The following TPTE2 variants were observed in gnomAD, a reference collection of about 807,000 sequenced individuals.
TPTE2 encodes the protein transmembrane phosphoinositide 3-phosphatase and tensin homolog 2, also known as phosphatidylinositol 3,4,5-trisphosphate 3-phosphatase TPTE2.
TPTE2 carries 53 observed loss-of-function variants against 78.6 expected under a neutral mutation model. The ratio of observed to expected loss-of-function variants is 0.67; its 90% confidence interval spans 0.54 to 0.85. The LOEUF (loss-of-function observed/expected upper bound fraction) is 0.85, where lower values mean the gene tolerates loss of function less well. TPTE2 is among the 40% of genes least tolerant of loss of function. The pLI, the probability that TPTE2 is intolerant of heterozygous loss-of-function variation, is 0.00. For synonymous variants in TPTE2, 175 were observed against 206.2 expected, an observed-to-expected ratio of 0.85 and a Z score of 1.30; for missense variants, 461 against 623.0, an observed-to-expected ratio of 0.74 and a Z score of 2.77.
intron 1 of TPTE2, among the ~76,000 whole-genome samples, chr13:19,519,884 T>C (rs1479178883): frequency 1.3e-5 from 2 of 152,188 alleles, no homozygotes; most frequent in African/African-American, 2.4e-5. Context: ...GTCATCTTAA[T>C]AGTAATGTCT....
At chr13:19,531,315 C>A (rs1436988915) in intron 1 of TPTE2, among the ~76,000 whole-genome samples, 1 of 152,028 alleles carries the variant, frequency 6.6e-6, no homozygotes, top group Non-Finnish European at 1.5e-5. Flanking sequence ...CATTCTGCAG[C>A]AATTTACATC....
the TPTE2 span, among the ~76,000 whole-genome samples, chr13:19,553,845 C>T: frequency 3.9e-5 from 6 of 152,100 alleles, no homozygotes; most frequent in Non-Finnish European, 7.4e-5. Context: ...GAAAAATGTT[C>T]AAAATTATAA....
At position 19,440,702 on chromosome 13, in the gene TPTE2, G is replaced by A. The variant is rs1200299006; in HGVS notation, c.974-2549C>T. ...GGAGAATCGCTTGAACCCAGGAGTC[G>A]GAGGTTGCAGTGACTGAGATTGCAC... On this transcript the variant is annotated intron_variant, in intron 13 of 19. Coordinates refer to ENST00000400230, the Ensembl canonical transcript of TPTE2. 3.3e-5 allele frequency among the ~76,000 whole-genome samples: 5 copies of A among 152,226 alleles called. No individual in the cohort carries two copies. In the East Asian group the frequency reaches 5.8e-4, roughly 18 times the overall value.
At chr13:19,509,066 C>T (rs144133052) in intron 1 of TPTE2, among the ~76,000 whole-genome samples, 3 of 151,906 alleles carry the variant, frequency 2.0e-5, no homozygotes, top group Non-Finnish European at 2.9e-5. Context: ...AGGGAAATCA[C>T]GAAATATTTT....
chr13:19,465,546 T>A (rs758510017), exon 8 of TPTE2: 23 of 1,599,812 alleles, frequency 1.4e-5, no homozygotes, highest in Admixed American at 1.8e-5. Flanking sequence ...GTCGTAGAAG[T>A]CGAACTAAAT....
At chr13:19,463,731 G>A (rs1222298106) in intron 10 of TPTE2, among the ~76,000 whole-genome samples, 1 of 151,946 alleles carries the variant, frequency 6.6e-6, no homozygotes, top group Non-Finnish European at 1.5e-5. Flanking sequence ...TAATCTTCAG[G>A]TGACTTTTTT....
At chr13:19,449,496 G>A (rs1046809968) in intron 13 of TPTE2, among the ~76,000 whole-genome samples, 16 of 152,096 alleles carry the variant, frequency 1.1e-4, no homozygotes, top group African/African-American at 3.6e-4. Flanking sequence ...ATAAGTTCAG[G>A]AAATTTATTG....
intron 1 of TPTE2, among the ~76,000 whole-genome samples, chr13:19,494,956 G>T (rs1328914854): frequency 6.6e-6 from 1 of 152,150 alleles, no homozygotes; most frequent in Non-Finnish European, 1.5e-5. Context: ...TAGAAATGAG[G>T]TTTCCTATGC....
chr13:19,528,623 A>G (rs1870672108), intron 1 of TPTE2, among the ~76,000 whole-genome samples: 1 of 152,244 alleles, frequency 6.6e-6, no homozygotes, highest in African/African-American at 2.4e-5. Context: ...AAGTAGGTAG[A>G]GCAGGAATTC....
Position 19,424,928 on chromosome 13 carries a change from G to T in TPTE2, c.1466+19C>A. Reference sequence around the variant, plus strand: ...ATTGAAGATTAGGCTGTTTCTATGGGTTTCTATTATATTCATACCTGTTAT... The same window carrying T: ...ATTGAAGATTAGGCTGTTTCTATGGTTTTCTATTATATTCATACCTGTTAT... On this transcript the variant is annotated intron_variant, in intron 19 of 19. Transcript: ENST00000400230. The T allele has an allele frequency of 1.4e-6, 2 of 1,401,330 alleles. No homozygotes were observed. Among genetic ancestry groups the T allele is most frequent in the Non-Finnish European group, 2.0e-6 (2 of 1,017,580 alleles). The allele number at this position is 1,401,330 out of a possible 1,614,324, so 86.8% of individuals were successfully genotyped here. A position where few individuals can be genotyped will look rare whatever the true frequency, so the allele number is the denominator to read the frequency against.
At chr13:19,510,701 A>G (rs1468885112) in intron 1 of TPTE2, among the ~76,000 whole-genome samples, 2 of 152,214 alleles carry the variant, frequency 1.3e-5, no homozygotes, top group African/African-American at 2.4e-5. Flanking sequence ...AAAATTAAAC[A>G]TAATTTTAAA....
At chr13:19,426,432 A>G (rs1876078168) in exon 18 of TPTE2, 1 of 1,603,018 alleles carries the variant, frequency 6.2e-7, no homozygotes. Context: ...CACCGAAGAG[A>G]AAAACTGCAC....
At chr13:19,529,216 G>A (rs1406091588) in intron 1 of TPTE2, among the ~76,000 whole-genome samples, 3 of 152,188 alleles carry the variant, frequency 2.0e-5, no homozygotes, top group Non-Finnish European at 4.4e-5. Flanking sequence ...GTGACAATGA[G>A]TTCTAGATGA....
chr13:19,432,501 T>A (rs758111610), exon 16 of TPTE2: 9 of 1,606,210 alleles, frequency 5.6e-6, no homozygotes, highest in Non-Finnish European at 6.8e-6. Context: ...TGAATCTTTT[T>A]ATAAAGAGTA....
chr13:19,456,078 A>C (rs1878521219), intron 10 of TPTE2, among the ~76,000 whole-genome samples: 1 of 152,226 alleles, frequency 6.6e-6, no homozygotes, highest in Non-Finnish European at 1.5e-5. Context: ...AGTGGGAAGA[A>C]AGTAGTAACT....
At chr13:19,539,693 A>C (rs1374867133), upstream of TPTE2, among the ~76,000 whole-genome samples, 1 of 152,128 alleles carries the variant, frequency 6.6e-6, no homozygotes, top group Non-Finnish European at 1.5e-5. Flanking sequence ...ATCTGTGTGT[A>C]TCATGTCTAA....
chr13:19,432,475 C>G lies in TPTE2; in HGVS notation c.1220G>C (p.Arg407Pro), dbSNP rs140778301. The stretch of plus-strand genomic sequence containing the variant: ...TCAATTACACATAAAGCACTTACCA[C>G]GAATCGAATAAATAATGAATCTTTT... The change falls in exon 16 of 20, where the codon CGT (arginine) becomes CCT (proline). Residue 407 changes from arginine to proline, a missense_variant and splice_region_variant. Arg to Pro is a moderately radical substitution (Grantham distance 103). Transcript: ENST00000400230. 9.2e-5 allele frequency: 145 copies of G among 1,573,154 alleles called. No individual in the cohort carries two copies. In the South Asian group the frequency reaches 1.3e-3, roughly 14 times the overall value.
chr13:19,438,471 A>C, intron 13 of TPTE2: 1 of 980,494 alleles, frequency 1.0e-6, no homozygotes, highest in Non-Finnish European at 1.2e-6. Flanking sequence ...ATAGTAAAAA[A>C]GAAAAATTCC....
chr13:19,476,335 C>T (rs1348486228), intron 4 of TPTE2, among the ~76,000 whole-genome samples: 1 of 151,216 alleles, frequency 6.6e-6, no homozygotes, highest in Non-Finnish European at 1.5e-5. Context: ...ACTGAAGCCT[C>T]CTGTGTTGGA....
Sources: gnomAD v4.1 joint callset for allele counts (sites outside exome capture counted in the v4.1 genomes callset) on GRCh38, gnomAD v4.1.1 for gene constraint, MANE v1.5 for transcripts, NCBI Gene and HGNC (gene_info 2026-07-23, HGNC 2026-07-21) for gene names.